NTNG1: variants seen among roughly 807,000 people sequenced by gnomAD.
NTNG1 encodes netrin G1.
In NTNG1, 16 loss-of-function variants were observed where a neutral mutation model predicts 54.0. The observed-to-expected ratio is 0.30, with a 90% CI of 0.20 to 0.45. The LOEUF is 0.45. NTNG1 is among the 20% of genes least tolerant of loss of function. NTNG1 has a pLI of 1.00. For synonymous variants in NTNG1, 255 were observed against 263.1 expected, an observed-to-expected ratio of 0.97 and a Z score of 0.30; for missense variants, 530 against 678.7, an observed-to-expected ratio of 0.78 and a Z score of 2.43.
chr1:107,461,602 C>T (rs1020615149), intron 7 of NTNG1, among the ~76,000 whole-genome samples: 3 of 150,902 alleles, frequency 2.0e-5, no homozygotes, highest in African/African-American at 4.9e-5. Context: ...GGCACAGTCT[C>T]GGCTCACTGC....
intron 3 of NTNG1, among the ~76,000 whole-genome samples, chr1:107,367,065 C>CGTGT (rs57282130): frequency 0.046 from 6,838 of 148,388 alleles, 239 homozygotes; most frequent in Admixed American, 0.096. Flanking sequence ...TTTATCTGTT[C>CGTGT]GTGTGTGTGT....
intron 3 of NTNG1, among the ~76,000 whole-genome samples, chr1:107,393,999 A>G (rs1672522617): frequency 6.6e-6 from 1 of 151,992 alleles, no homozygotes; most frequent in South Asian, 2.1e-4. Context: ...AGTTCCTGGA[A>G]GAGGCCATGT....
intron 3 of NTNG1, among the ~76,000 whole-genome samples, chr1:107,351,444 C>T (rs1669594164): frequency 1.3e-5 from 2 of 152,174 alleles, no homozygotes; most frequent in African/African-American, 4.8e-5. Context: ...AAAGCAGGAA[C>T]AGTCATCTTA....
rs74803839 is a variant in NTNG1, at chr1:107,169,738, A to G, written c.246+20899A>G. Among the ~76,000 whole-genome samples the G allele has an allele frequency of 5.7e-3, 862 of 152,322 alleles. 7 individuals are homozygous for G. Among genetic ancestry groups the G allele is most frequent in the Middle Eastern group, 0.017 (5 of 292 alleles). On this transcript the variant is annotated intron_variant, in intron 2 of 7. Transcript: ENST00000370068. ...AGGACGCCTTGCACTAGCCTACTAT[A>G]TCAGTCAGGGTTAGTCATTCATTAA...
chr1:107,426,668 G>A (rs901489513), intron 5 of NTNG1, among the ~76,000 whole-genome samples: 1 of 151,754 alleles, frequency 6.6e-6, no homozygotes, highest in African/African-American at 2.4e-5. Context: ...CTTTTTTTGG[G>A]GGGTGGGGTT....
intron 7 of NTNG1, among the ~76,000 whole-genome samples, chr1:107,463,841 G>A (rs1357853270): frequency 6.6e-6 from 1 of 152,060 alleles, no homozygotes; most frequent in African/African-American, 2.4e-5. Context: ...CTAAAAATCA[G>A]CATGTGTGAC....
intron 3 of NTNG1, among the ~76,000 whole-genome samples, chr1:107,333,659 T>TTGTG (rs984919033): frequency 1.3e-5 from 2 of 150,502 alleles, no homozygotes; most frequent in Admixed American, 6.6e-5. Context: ...ATGTGTGTGT[T>TTGTG]TGTGTGTGTG....
chr1:107,416,746 A>G (rs960782152), intron 5 of NTNG1, among the ~76,000 whole-genome samples: 1 of 152,052 alleles, frequency 6.6e-6, no homozygotes, highest in East Asian at 1.9e-4. Flanking sequence ...TAACAAAATA[A>G]TAAATCATAC....
chr1:107,335,279 C>T (rs766171945), intron 3 of NTNG1, among the ~76,000 whole-genome samples: 1 of 151,956 alleles, frequency 6.6e-6, no homozygotes, highest in African/African-American at 2.4e-5. Context: ...CCAAAGTTGT[C>T]TTCAAATGAT....
rs1663385179 is a variant in NTNG1 at position 107,262,025 on chromosome 1, TTAAAA to T, written c.247-62253_247-62249del. The stretch of plus-strand genomic sequence containing the variant: ...CTGATTGAGGAAAATAAGATACACC[TTAAAA>T]TAACCACAAAACAAGAATATGAGCT... On this transcript the variant is annotated intron_variant, in intron 2 of 7. Coordinates refer to ENST00000370068, the MANE Select transcript of NTNG1 (RefSeq NM_001113226.3). Among the ~76,000 whole-genome samples, 9 of 152,318 alleles carry T rather than the reference TTAAAA, an allele frequency of 5.9e-5. 1 individual carries two copies. In the South Asian group the frequency reaches 1.9e-3, roughly 32 times the overall value.
chr1:107,357,944 A>G (rs921595213), intron 3 of NTNG1, among the ~76,000 whole-genome samples: 8 of 152,198 alleles, frequency 5.3e-5, no homozygotes, highest in Non-Finnish European at 1.2e-4. Context: ...TAACAGTGGA[A>G]TTTATAGCAT....
intron 2 of NTNG1, among the ~76,000 whole-genome samples, chr1:107,168,899 C>G (rs1317578007): frequency 6.6e-6 from 1 of 152,116 alleles, no homozygotes; most frequent in Non-Finnish European, 1.5e-5. Flanking sequence ...TTTTGACAGA[C>G]TGAAATTTGC....
At chr1:107,403,209 G>GT (rs982294203) in intron 4 of NTNG1, among the ~76,000 whole-genome samples, 3 of 152,064 alleles carry the variant, frequency 2.0e-5, no homozygotes, top group African/African-American at 4.8e-5. Flanking sequence ...TAAAACAAAC[G>GT]TAAGTGGGAG....
intron 2 of NTNG1, among the ~76,000 whole-genome samples, chr1:107,303,426 CAAGT>C (rs940870222): frequency 4.6e-5 from 7 of 152,196 alleles, no homozygotes; most frequent in East Asian, 1.9e-4. Flanking sequence ...ATTTATCCGA[CAAGT>C]AAGAGTTTTT....
At chr1:107,227,098 T>C (rs1245527232) in intron 2 of NTNG1, among the ~76,000 whole-genome samples, 1 of 152,020 alleles carries the variant, frequency 6.6e-6, no homozygotes, top group African/African-American at 2.4e-5. Context: ...CCTCCTGGGG[T>C]CTGAGTTTCA....
At chr1:107,373,691 T>C (rs1671060755) in intron 3 of NTNG1, among the ~76,000 whole-genome samples, 1 of 151,620 alleles carries the variant, frequency 6.6e-6, no homozygotes, top group African/African-American at 2.4e-5. Context: ...TTCTTTTTTA[T>C]TTTTTATTTA....
At position 107,480,771 on chromosome 1, in the gene NTNG1, C is replaced by T. The variant is rs1441564218; in HGVS notation, c.1551C>T (p.Pro517=). ...GCTCCGACTCTGGCCAGGGCGCGCC[C>T]CCGCACGGCTCCCCAGCGCTGCTGC... ...SCGSDSGQGA[P]PHGSPALLLL... Residue 517 remains proline, a synonymous_variant, in exon 8 of 8, where the codon CCC becomes CCT. Transcript: ENST00000370068. The T allele has an allele frequency of 2.5e-6, 4 of 1,602,712 alleles. No individual in the cohort carries two copies. The highest frequency in any genetic ancestry group is 1.3e-5 in the African/African-American group (1 of 74,800).
intron 2 of NTNG1, among the ~76,000 whole-genome samples, chr1:107,248,459 A>C (rs1278550254): frequency 6.6e-6 from 1 of 152,196 alleles, no homozygotes; most frequent in Non-Finnish European, 1.5e-5. Flanking sequence ...TTTGGTGCTC[A>C]ACAGACATGA....
chr1:107,473,622 T>A (rs1678124281), intron 7 of NTNG1, among the ~76,000 whole-genome samples: 1 of 152,196 alleles, frequency 6.6e-6, no homozygotes, highest in Non-Finnish European at 1.5e-5. Context: ...TTTAGCTATA[T>A]CCCTGTGTCG....
Sources: gnomAD v4.1 joint callset for allele counts (sites outside exome capture counted in the v4.1 genomes callset) on GRCh38, gnomAD v4.1.1 for gene constraint, MANE v1.5 for transcripts, NCBI Gene and HGNC (gene_info 2026-07-23, HGNC 2026-07-21) for gene names.